The following CHD9 variants were observed in gnomAD, a reference collection of about 807,000 sequenced individuals.
The protein encoded by CHD9 is ATP-dependent chromatin remodeler CHD9.
CHD9 carries 77 observed loss-of-function variants against 316.1 expected under a neutral mutation model. The observed-to-expected ratio is 0.24, with a 90% CI of 0.20 to 0.29. The LOEUF (loss-of-function observed/expected upper bound fraction) is 0.29, where lower values mean the gene tolerates loss of function less well. CHD9 is among the 10% of genes least tolerant of loss of function. CHD9 has a pLI of 1.00. For synonymous variants in CHD9, 1,129 were observed against 1,158.3 expected (o/e 0.97, Z 0.51); for missense variants, 2,763 against 3,438.1 (o/e 0.80, Z 4.91).
chr16:53,267,913 C>T lies in CHD9; in HGVS notation c.4518-14C>T, dbSNP rs371017614. On this transcript the variant is annotated splice_polypyrimidine_tract_variant and intron_variant, in intron 21 of 38. Coordinates refer to ENST00000447540, the MANE Select transcript of CHD9 (RefSeq NM_001308319.2). ...TTGACTCAATATCAATGTAACTATA[C>T]CTTTTTTAACCAGGTGGGGCCGATG... The T allele has an allele frequency of 5.0e-6, 8 of 1,610,444 alleles. No homozygotes were observed. Among genetic ancestry groups the T allele is most frequent in the Admixed American group, 1.7e-5 (1 of 59,930 alleles).
At chr16:53,292,547 T>G (rs953275503) in intron 28 of CHD9, among the ~76,000 whole-genome samples, 2 of 152,204 alleles carry the variant, frequency 1.3e-5, no homozygotes, top group African/African-American at 4.8e-5. Flanking sequence ...TTATTTAAGT[T>G]AAAGCCTTGA....
chr16:53,307,251 T>A (rs1464653282), intron 32 of CHD9, among the ~76,000 whole-genome samples: 1 of 152,176 alleles, frequency 6.6e-6, no homozygotes, highest in Non-Finnish European at 1.5e-5. Flanking sequence ...TAAAACTATC[T>A]TTGTGGTATA....
In CHD9 at chr16:53,109,284, A is replaced by G. The variant is rs575134096; in HGVS notation, c.-164-46642A>G. Among the ~76,000 whole-genome samples the G allele has an allele frequency of 5.3e-5, 8 of 152,328 alleles. No homozygotes were observed. The South Asian group carries it at 1.7e-3, about 32-fold the overall frequency. On this transcript the variant is annotated intron_variant, in intron 1 of 38. Coordinates refer to ENST00000447540, the MANE Select transcript of CHD9 (RefSeq NM_001308319.2). ...GCAGGGGTGTTTGGAGTTGTGCTACAGATAGTAGTATAAACAGGGACACCC... is the reference window on the plus strand; with the variant it reads ...GCAGGGGTGTTTGGAGTTGTGCTACGGATAGTAGTATAAACAGGGACACCC...
intron 34 of CHD9, among the ~76,000 whole-genome samples, chr16:53,313,492 G>T (rs1251170464): frequency 6.6e-6 from 1 of 152,030 alleles, no homozygotes; most frequent in African/African-American, 2.4e-5. Context: ...TTTTAGTAGA[G>T]ACGTGTTTTT....
intron 1 of CHD9, among the ~76,000 whole-genome samples, chr16:53,117,065 G>A (rs762070428): frequency 6.6e-6 from 1 of 152,114 alleles, no homozygotes; most frequent in East Asian, 1.9e-4. Context: ...ACACACTGGG[G>A]TCTGTTGGGG....
chr16:53,314,799 A>G (rs147601196), intron 35 of CHD9, 24 bp from the exon 36 acceptor site: 1,354 of 1,482,210 alleles, frequency 9.1e-4, no homozygotes, highest in Admixed American at 1.1e-3. Context: ...GAAAATAAAG[A>G]TACCATTTGG....
At chr16:53,170,793 A>G (rs1412600636) in intron 2 of CHD9, among the ~76,000 whole-genome samples, 1 of 152,190 alleles carries the variant, frequency 6.6e-6, no homozygotes, top group Non-Finnish European at 1.5e-5. Context: ...TTTTGAGAAC[A>G]TAACTGCTAA....
At chr16:53,196,783 G>C (rs1281133731) in intron 2 of CHD9, among the ~76,000 whole-genome samples, 1 of 152,174 alleles carries the variant, frequency 6.6e-6, no homozygotes, top group African/African-American at 2.4e-5. Flanking sequence ...TCTGTAAATT[G>C]TAGGGCAATT....
rs71380026 is a variant in CHD9 at position 53,171,830 on chromosome 16, CCACACACACACA to C, written c.1452+14308_1452+14319del. On this transcript the variant is annotated intron_variant, in intron 2 of 38. Transcript: ENST00000447540. The stretch of plus-strand genomic sequence containing the variant: ...AGACCCTATCTCAAAACAAACAAAA[CCACACACACACA>C]CACACACACACACACACAGACACAC... Among the ~76,000 whole-genome samples, 20 of 135,636 alleles carry C rather than the reference CCACACACACACA, an allele frequency of 1.5e-4. 1 individual carries two copies. Among genetic ancestry groups the C allele is most frequent in the Non-Finnish European group, 2.3e-4 (15 of 63,996 alleles). The allele number at this position is 135,636 out of a possible 152,430, so 89.0% of individuals were successfully genotyped here.
intron 19 of CHD9, among the ~76,000 whole-genome samples, chr16:53,256,244 G>A (rs1027841047): frequency 5.9e-5 from 9 of 151,974 alleles, no homozygotes; most frequent in South Asian, 2.1e-4. Context: ...GGGTGGATAC[G>A]TGAGGTCAGG....
rs183194178 is a variant in CHD9 at position 53,192,800 on chromosome 16, A to G, written c.1453-16682A>G. Among the ~76,000 whole-genome samples, 27 of 152,306 alleles carry G rather than the reference A, an allele frequency of 1.8e-4. No individual in the cohort carries two copies. The East Asian group carries it at 5.0e-3, about 28-fold the overall frequency. The stretch of plus-strand genomic sequence containing the variant: ...TAGAACATTTTTGTTCCCTGTATCA[A>G]TAGCTTTTTCTTTCATGTTACTGAG... On this transcript the variant is annotated intron_variant, in intron 2 of 38. Transcript: ENST00000447540.
At chr16:53,227,183 A>AT (rs1489415867) in intron 5 of CHD9, 3 of 381,930 alleles carry the variant, frequency 7.9e-6, no homozygotes, top group Non-Finnish European at 1.4e-5. Context: ...AAAAAGCACA[A>AT]TATGTTTGCT....
chr16:53,273,536 G>A (rs1419616675), intron 22 of CHD9, 90 bp from the exon 23 acceptor site: 17 of 933,072 alleles, frequency 1.8e-5, no homozygotes, highest in Non-Finnish European at 2.4e-5. Flanking sequence ...ACCTCAGAAA[G>A]TCTCCAGAAA....
intron 2 of CHD9, among the ~76,000 whole-genome samples, chr16:53,175,175 C>G (rs2043020519): frequency 6.6e-6 from 1 of 152,008 alleles, no homozygotes; most frequent in Non-Finnish European, 1.5e-5. Context: ...CTGATCACTA[C>G]TCATCTAGAA....
intron 38 of CHD9, among the ~76,000 whole-genome samples, chr16:53,322,217 G>A (rs1381652478): frequency 1.3e-5 from 2 of 150,888 alleles, no homozygotes; most frequent in African/African-American, 4.9e-5. Flanking sequence ...GGCTGGTCTT[G>A]AACTCCTGGC....
intron 29 of CHD9, among the ~76,000 whole-genome samples, chr16:53,294,622 C>T (rs952708959): frequency 1.3e-5 from 2 of 152,088 alleles, no homozygotes; most frequent in Non-Finnish European, 2.9e-5. Flanking sequence ...GGGACCATTC[C>T]AAGTAGAAAG....
chr16:53,308,545 A>T, intron 33 of CHD9, 141 bp from the exon 34 acceptor site: 1 of 637,448 alleles, frequency 1.6e-6, no homozygotes, highest in Non-Finnish European at 2.7e-6. Flanking sequence ...TATTTGACTG[A>T]TTTATGAATG....
chr16:53,282,916 G>A (rs1230088316), intron 24 of CHD9, among the ~76,000 whole-genome samples: 3 of 151,862 alleles, frequency 2.0e-5, no homozygotes, highest in Non-Finnish European at 4.4e-5. Context: ...AGGCCTTCTC[G>A]TCACTTACTC....
intron 22 of CHD9, 139 bp from the exon 23 acceptor site, chr16:53,273,487 G>T (rs2052490221): frequency 3.6e-6 from 2 of 560,628 alleles, no homozygotes; most frequent in South Asian, 3.4e-5. Flanking sequence ...TTGTGGTTGG[G>T]TCAGTATTGT....
Sources: allele counts gnomAD v4.1 joint callset (sites outside exome capture counted in the v4.1 genomes callset), GRCh38; gene constraint gnomAD v4.1.1; transcripts MANE v1.5; gene names NCBI Gene and HGNC (gene_info 2026-07-23, HGNC 2026-07-21).